The following TTC12 variants were observed in gnomAD, a reference collection of about 807,000 sequenced individuals.
TTC12 encodes tetratricopeptide repeat domain 12.
In TTC12, 70 loss-of-function variants were observed where a neutral mutation model predicts 90.1. The ratio of observed to expected loss-of-function variants is 0.78; its 90% CI spans 0.64 to 0.95. The LOEUF is 0.95. Ranked by LOEUF, TTC12 falls within the 40% of genes least tolerant of loss-of-function variation. The pLI is 0.00. For missense variants in TTC12, 819 were observed against 846.1 expected (o/e 0.97, Z 0.40); for synonymous variants, 296 against 311.5 (o/e 0.95, Z 0.53).
chr11:113,367,313 C>G (rs768893668), downstream of TTC12, among the ~76,000 whole-genome samples: 1 of 152,232 alleles, frequency 6.6e-6, no homozygotes, highest in Non-Finnish European at 1.5e-5. Context: ...GGGCAAGTTG[C>G]TTAACCTCTC....
Position 113,359,412 on chromosome 11 carries a change from T to A in TTC12, c.1496T>A (p.Leu499His). The change falls in exon 17 of 22, where the codon CTC becomes CAC. Residue 499 changes from leucine to histidine, a missense_variant. Coordinates refer to ENST00000529221, the MANE Select transcript of TTC12 (RefSeq NM_017868.4). ...VDLFREVIYT[L>H]LGLMMNLCLQ... ...CTGTTCAGAGAGGTTATCTACACAC[T>A]CCTGGGACTCATGATGAACCTGTGT... is the stretch of plus-strand genomic sequence containing the variant. 1 of 1,613,744 alleles carries A rather than the reference T, an allele frequency of 6.2e-7. No homozygotes were observed. The highest frequency in any genetic ancestry group is 8.5e-7 in the Non-Finnish European group (1 of 1,179,678).
chr11:113,368,181 T>A, downstream of TTC12: 6 of 1,438,244 alleles, frequency 4.2e-6, no homozygotes, highest in South Asian at 7.3e-5. Context: ...ATGTTTATTG[T>A]TCCAGAGTGC....
At chr11:113,320,498 T>C (rs1367435644) in intron 2 of TTC12, among the ~76,000 whole-genome samples, 1 of 152,098 alleles carries the variant, frequency 6.6e-6, no homozygotes, top group Non-Finnish European at 1.5e-5. Context: ...GAAGATCATC[T>C]TTCCCCTCCA....
In TTC12 at chr11:113,338,782, G is replaced by A. The variant is rs1555144902; in HGVS notation, c.585G>A (p.Glu195=). 1 of 1,613,686 alleles carries A rather than the reference G, an allele frequency of 6.2e-7. No individual in the cohort carries two copies. The highest frequency in any genetic ancestry group is 2.2e-5 in the East Asian group (1 of 44,878). ...LALKNYSVSR[E]CYKKILEINP... ...TTGTTTCTTTTTTCCAGTCTAGAGA[G>A]TGTTATAAGAAGATCTTAGAAATAA... The change falls in exon 9 of 22, where the codon GAG becomes GAA. Residue 195 remains glutamate, a synonymous_variant. Transcript: ENST00000529221.
intron 7 of TTC12, among the ~76,000 whole-genome samples, chr11:113,333,629 A>G (rs1159868110): frequency 2.0e-5 from 3 of 152,100 alleles, no homozygotes; most frequent in Non-Finnish European, 4.4e-5. Flanking sequence ...TCTGCTTCAT[A>G]GAGTTGTTAT....
At chr11:113,316,975 G>T (rs868917528) in intron 2 of TTC12, among the ~76,000 whole-genome samples, 1 of 152,194 alleles carries the variant, frequency 6.6e-6, no homozygotes, top group Non-Finnish European at 1.5e-5. Flanking sequence ...CAGGCAATAT[G>T]CTGAAATTGC....
intron 18 of TTC12, among the ~76,000 whole-genome samples, chr11:113,361,966 A>G (rs782566446): frequency 1.1e-4 from 17 of 151,832 alleles, no homozygotes; most frequent in Non-Finnish European, 1.8e-4. Flanking sequence ...AAAAAAAAAA[A>G]AAAGAAAGAA....
At position 113,338,826 on chromosome 11, in the gene TTC12, A is replaced by C. The variant is rs1555144933; in HGVS notation, c.629A>C (p.Gln210Pro). Residue 210 changes from glutamine to proline, a missense_variant, in exon 9 of 22, where the codon CAG (glutamine) becomes CCG (proline). Physicochemically the swap from Gln to Pro is moderately conservative, Grantham distance 76. Transcript: ENST00000529221. ...GAAATAAACCCCAAGCTGCAAACCC[A>C]GGTGAAAGGTGAGCACGTTCCTGCT... ...ILEINPKLQT[Q>P]VKGYLNQVDL... 3 of 1,614,032 alleles carry C rather than the reference A, an allele frequency of 1.9e-6. No homozygotes were observed. Among genetic ancestry groups the C allele is most frequent in the Non-Finnish European group, 2.5e-6 (3 of 1,179,904 alleles).
intron 2 of TTC12, among the ~76,000 whole-genome samples, chr11:113,319,974 C>A (rs1289162206): frequency 3.3e-5 from 5 of 152,050 alleles, no homozygotes; most frequent in Admixed American, 3.3e-4. Flanking sequence ...ATATTTATAA[C>A]CTTACTGACA....
At chr11:113,368,610 A>G (rs1190372824), downstream of TTC12, 7 of 1,015,478 alleles carry the variant, frequency 6.9e-6, no homozygotes, top group Admixed American at 6.0e-5. Flanking sequence ...CACTGTCTTC[A>G]TACATGACGT....
intron 8 of TTC12, among the ~76,000 whole-genome samples, chr11:113,338,525 T>C (rs1948500737): frequency 6.6e-6 from 1 of 152,240 alleles, no homozygotes; most frequent in Non-Finnish European, 1.5e-5. Flanking sequence ...TAGGACTGGA[T>C]ATTTTTCATC....
intron 19 of TTC12, among the ~76,000 whole-genome samples, chr11:113,362,865 T>C (rs1950010491): frequency 6.6e-6 from 1 of 152,222 alleles, no homozygotes; most frequent in South Asian, 2.1e-4. Context: ...CATGATGCTT[T>C]ATACAGTTAT....
chr11:113,336,887 A>C (rs1321696985), intron 8 of TTC12, among the ~76,000 whole-genome samples: 1 of 152,216 alleles, frequency 6.6e-6, no homozygotes, highest in Non-Finnish European at 1.5e-5. Flanking sequence ...TTGCAAAGAA[A>C]CCAGGTGGAA....
chr11:113,342,408 A>C (rs1024833589), intron 12 of TTC12, among the ~76,000 whole-genome samples: 1 of 152,198 alleles, frequency 6.6e-6, no homozygotes, highest in Non-Finnish European at 1.5e-5. Context: ...AAATATTTGC[A>C]TCTTCCAGAG....
chr11:113,363,140 C>T (rs1555155907), intron 19 of TTC12, among the ~76,000 whole-genome samples: 2 of 152,218 alleles, frequency 1.3e-5, no homozygotes, highest in Non-Finnish European at 2.9e-5. Context: ...CATAAAGCAT[C>T]AGGCTGAGTG....
rs147140974 is a variant in TTC12, at chr11:113,324,596, T to A, written c.245-9T>A. 6.2e-7 allele frequency: 1 copy of A among 1,610,978 alleles called. No individual in the cohort carries two copies. Among genetic ancestry groups the A allele is most frequent in the Non-Finnish European group, 8.5e-7 (1 of 1,178,678 alleles). On this transcript the variant is annotated splice_polypyrimidine_tract_variant and intron_variant, in intron 4 of 21. Transcript: ENST00000529221. ...TTCTTTTTAATATCTGAAATTACCC[T>A]GCTGTCAGAGGCCTTCTTGGCATCT...
intron 16 of TTC12, among the ~76,000 whole-genome samples, chr11:113,355,701 T>C (rs1308899350): frequency 5.9e-5 from 9 of 152,346 alleles, no homozygotes; most frequent in African/African-American, 2.2e-4. Flanking sequence ...AACTTCTTGA[T>C]TTCTGCCTTA....
chr11:113,359,303 G>A, intron 16 of TTC12, 60 bp from the exon 17 acceptor site: 2 of 1,136,196 alleles, frequency 1.8e-6, no homozygotes, highest in Non-Finnish European at 2.6e-6. Context: ...CAAGGGAAAA[G>A]ATGACCATAA....
chr11:113,371,140 G>C (rs1356327384), downstream of TTC12, among the ~76,000 whole-genome samples: 9 of 152,178 alleles, frequency 5.9e-5, no homozygotes, highest in Non-Finnish European at 1.5e-5. Flanking sequence ...AAGCTGAAAA[G>C]TATTCAGGGA....
Sources: gnomAD v4.1 joint callset for allele counts (sites outside exome capture counted in the v4.1 genomes callset) on GRCh38, gnomAD v4.1.1 for gene constraint, MANE v1.5 for transcripts, NCBI Gene and HGNC (gene_info 2026-07-23, HGNC 2026-07-21) for gene names.